GCKR: variants seen among roughly 807,000 people sequenced by gnomAD.
The protein encoded by GCKR is glucokinase regulator.
Under a neutral mutation model 82.9 loss-of-function variants are expected in GCKR, and 73 were observed. The ratio of observed to expected loss-of-function variants is 0.88; its 90% CI spans 0.73 to 1.07. GCKR has a LOEUF of 1.07. Among genes scored for constraint, GCKR ranks in the 50% least tolerant of loss-of-function variants. The pLI is 0.00. For synonymous variants in GCKR, 294 were observed against 291.8 expected (o/e 1.01, Z -0.08); for missense variants, 784 against 782.1 (o/e 1.00, Z -0.03).
chr2:27,505,616 G>T, intron 9 of GCKR, 102 bp from the exon 10 acceptor site: 1 of 738,868 alleles, frequency 1.4e-6, no homozygotes, highest in Non-Finnish European at 2.5e-6. Context: ...AGCACACTGG[G>T]GGCCACTGGT....
chr2:27,501,288 G>T (rs961719719), intron 8 of GCKR, 59 bp downstream of exon 8: 3 of 1,053,476 alleles, frequency 2.8e-6, no homozygotes, highest in Admixed American at 3.4e-5. Flanking sequence ...ACATGTCAAA[G>T]TCTACAGTAC....
Position 27,508,181 on chromosome 2 carries a change from A to C in GCKR, c.1352A>C (p.Lys451Thr), listed in dbSNP as rs773973596. ...CTCTCTCTCCAGATCCCTCTGAAGAAGCTCTTTCCCTCCATCATCAGCATC... is the reference window on the plus strand; with the variant it reads ...CTCTCTCTCCAGATCCCTCTGAAGACGCTCTTTCCCTCCATCATCAGCATC... Reference protein sequence around the residue: ...VGQTLLIPLKKLFPSIISITW... With the variant: ...VGQTLLIPLKTLFPSIISITW... The change falls in exon 16 of 19, where the codon AAG (lysine) becomes ACG (threonine). Residue 451 changes from lysine to threonine, a missense_variant. Lys to Thr is a moderately conservative substitution (Grantham distance 78). Coordinates refer to ENST00000264717, the MANE Select transcript of GCKR (RefSeq NM_001486.4). 4 of 1,610,456 alleles carry C rather than the reference A, an allele frequency of 2.5e-6. No homozygotes were observed. The highest frequency in any genetic ancestry group is 3.4e-6 in the Non-Finnish European group (4 of 1,177,128).
chr2:27,498,193 A>G (rs1669464495), intron 3 of GCKR, 62 bp from the exon 4 acceptor site: 1 of 1,263,210 alleles, frequency 7.9e-7, no homozygotes, highest in Non-Finnish European at 1.2e-6. Context: ...TGACAAAGAA[A>G]AGAATATTCT....
At chr2:27,519,603 T>C (rs1363421551) in intron 17 of GCKR, among the ~76,000 whole-genome samples, 1 of 152,126 alleles carries the variant, frequency 6.6e-6, no homozygotes, top group Non-Finnish European at 1.5e-5. Context: ...CACCCGGCCG[T>C]TGCTCTCATT....
At chr2:27,521,260 T>C (rs1369457663) in intron 17 of GCKR, among the ~76,000 whole-genome samples, 1 of 151,862 alleles carries the variant, frequency 6.6e-6, no homozygotes, top group African/African-American at 2.4e-5. Flanking sequence ...TGTGGTGGCT[T>C]ACACCTGTAA....
chr2:27,522,459 G>A lies in GCKR; in HGVS notation c.1573-1G>A. 6.2e-7 allele frequency: 1 copy of A among 1,613,850 alleles called. No homozygotes were observed. The highest frequency in any genetic ancestry group is 1.3e-5 in the African/African-American group (1 of 74,962). On this transcript the variant is annotated splice_acceptor_variant, in intron 17 of 18. Coordinates refer to ENST00000264717, the MANE Select transcript of GCKR (RefSeq NM_001486.4). LOFTEE classifies it high-confidence loss of function. ...CACTGATCTTACCACTTCTTCCTTAGCGGTTCTCTGGACAGTCCAAGGCTC... is the reference window on the plus strand; with the variant it reads ...CACTGATCTTACCACTTCTTCCTTAACGGTTCTCTGGACAGTCCAAGGCTC...
At position 27,505,829 on chromosome 2, in the gene GCKR, T is replaced by C. The variant is rs908086887; in HGVS notation, c.862T>C (p.Ser288Pro). 18 of 1,520,344 alleles carry C rather than the reference T, an allele frequency of 1.2e-5. No homozygotes were observed. Among genetic ancestry groups the C allele is most frequent in the Non-Finnish European group, 1.6e-5 (18 of 1,094,512 alleles). The allele number at this position is 1,520,344 out of a possible 1,614,324, so 94.2% of individuals were successfully genotyped here. A position where few individuals can be genotyped will look rare whatever the true frequency, so the allele number is the denominator to read the frequency against. Reference protein sequence around the residue: ...HKTVDQGIAASQRCLLEILRT... With the variant: ...HKTVDQGIAAPQRCLLEILRT... ...GACTGTGGACCAGGGCATTGCAGCA[T>C]CTCAAAGGTAGGGAGGATCTGGATA... The change falls in exon 10 of 19, where the codon TCT (serine) becomes CCT (proline). Residue 288 changes from serine (S) to proline (P), a missense_variant. Physicochemically the swap from Ser to Pro is moderately conservative, Grantham distance 74. Transcript: ENST00000264717.
At chr2:27,498,215 G>A (rs1669465885) in intron 3 of GCKR, 40 bp from the exon 4 acceptor site, 3 of 1,470,728 alleles carry the variant, frequency 2.0e-6, no homozygotes, top group Non-Finnish European at 2.9e-6. Context: ...CTCCCAACCT[G>A]AGCCAGGCCC....
chr2:27,523,578 A>C lies in GCKR; in HGVS notation c.*139A>C. The C allele has an allele frequency of 1.3e-6, 1 of 798,260 alleles. No individual in the cohort carries two copies. The highest frequency in any genetic ancestry group is 2.1e-6 in the Non-Finnish European group (1 of 478,120). The allele number at this position is 798,260 out of a possible 1,614,324, so 49.4% of individuals were successfully genotyped here. ...CATCCGCAGCCCAGGGTAGGGAGAA[A>C]TATTCTCTCCACTTTGGGGGAGAGT... On this transcript the variant is annotated 3_prime_UTR_variant, in exon 19 of 19. Transcript: ENST00000264717.
intron 16 of GCKR, among the ~76,000 whole-genome samples, chr2:27,511,969 G>A (rs192597666): frequency 9.9e-5 from 15 of 151,798 alleles, no homozygotes; most frequent in African/African-American, 3.1e-4. Flanking sequence ...AGCCAGGTAC[G>A]GTGGCTCATG....
intron 17 of GCKR, among the ~76,000 whole-genome samples, chr2:27,521,573 C>T (rs1271348250): frequency 6.8e-6 from 1 of 147,754 alleles, no homozygotes; most frequent in Non-Finnish European, 1.5e-5. Context: ...CAACTCCTGA[C>T]CTTGTGATCC....
chr2:27,501,764 T>A, intron 8 of GCKR: 1 of 471,430 alleles, frequency 2.1e-6, no homozygotes, highest in South Asian at 1.5e-5. Flanking sequence ...CATTACCAAA[T>A]CACCTCCCTC....
intron 8 of GCKR, among the ~76,000 whole-genome samples, chr2:27,503,117 AG>A (rs2148581868): frequency 6.6e-6 from 1 of 152,372 alleles, no homozygotes; most frequent in South Asian, 2.1e-4. Flanking sequence ...ACAAATGGGA[AG>A]GGCTTCTGAT....
In GCKR at chr2:27,508,177, A is replaced by T; in HGVS notation, c.1348A>T (p.Lys450Ter). The change falls in exon 16 of 19, where the codon AAG (lysine) becomes TAG (stop). Residue 450 changes from lysine to a stop codon, truncating the protein, a stop_gained. Transcript: ENST00000264717. LOFTEE classifies it high-confidence loss of function. ...CTTTCTCTCTCTCCAGATCCCTCTG[A>T]AGAAGCTCTTTCCCTCCATCATCAG... ...TVGQTLLIPL[K>*]KLFPSIISIT... 6.2e-7 allele frequency: 1 copy of T among 1,608,826 alleles called. No individual in the cohort carries two copies. The highest frequency in any genetic ancestry group is 8.5e-7 in the Non-Finnish European group (1 of 1,175,624).
intron 16 of GCKR, among the ~76,000 whole-genome samples, chr2:27,517,101 C>G (rs973884529): frequency 6.6e-6 from 1 of 151,020 alleles, no homozygotes; most frequent in Admixed American, 6.6e-5. Flanking sequence ...CAACCTCTGC[C>G]TCCTGGGTTC....
intron 9 of GCKR, among the ~76,000 whole-genome samples, chr2:27,505,272 T>C (rs1436413970): frequency 6.7e-6 from 1 of 149,624 alleles, no homozygotes; most frequent in Admixed American, 6.7e-5. Flanking sequence ...GGCGGGCGCC[T>C]GTAGTCCCAG....
rs1670199225 is a variant in GCKR, at chr2:27,523,398, A to G, written c.1837A>G (p.Thr613Ala). ...TCTTGCTGGGCCAGGTCAGAAGCGC[A>G]CTGCGGACCCCCTCGAGATCCTAGA... ...SALAGPGQKR[T>A]ADPLEILEPD... is the part of the protein sequence containing the mutation. Residue 613 changes from threonine (T) to alanine (A), a missense_variant, in exon 19 of 19, where the codon ACT becomes GCT. Physicochemically the swap from Thr to Ala is moderately conservative, Grantham distance 58. Transcript: ENST00000264717. The G allele has an allele frequency of 6.2e-7, 1 of 1,610,950 alleles. No homozygotes were observed. The highest frequency in any genetic ancestry group is 1.7e-5 in the Admixed American group (1 of 59,994).
intron 15 of GCKR, 39 bp downstream of exon 15, chr2:27,508,113 T>C (rs372115595): frequency 5.7e-6 from 9 of 1,587,262 alleles, no homozygotes; most frequent in Non-Finnish European, 7.8e-6. Flanking sequence ...CAGGTGGCAG[T>C]TGCAGCCAGG....
chr2:27,519,019 G>A lies in GCKR; in HGVS notation c.1572+82G>A, dbSNP rs1375986317. ...AGAGGAGGGCATTTTGTAGAGATATGGAAATGTGCAAGGGTACAGGCTGCC... is the reference window on the plus strand; with the variant it reads ...AGAGGAGGGCATTTTGTAGAGATATAGAAATGTGCAAGGGTACAGGCTGCC... On this transcript the variant is annotated intron_variant, in intron 17 of 18. Transcript: ENST00000264717. 6 of 1,287,234 alleles carry A rather than the reference G, an allele frequency of 4.7e-6. No individual in the cohort carries two copies. In the Admixed American group the frequency reaches 1.0e-4, roughly 22 times the overall value. The allele number at this position is 1,287,234 out of a possible 1,614,324, so 79.7% of individuals were successfully genotyped here.
Sources: allele counts gnomAD v4.1 joint callset (sites outside exome capture counted in the v4.1 genomes callset), GRCh38; gene constraint gnomAD v4.1.1; transcripts MANE v1.5; gene names NCBI Gene and HGNC (gene_info 2026-07-23, HGNC 2026-07-21).